THSD4: variants seen among roughly 807,000 people sequenced by gnomAD.
THSD4 encodes thrombospondin type 1 domain containing 4.
Under a neutral mutation model 119.0 loss-of-function variants are expected in THSD4, and 69 were observed. The ratio of observed to expected loss-of-function variants is 0.58; its 90% CI spans 0.48 to 0.71. The LOEUF is 0.71. THSD4 is among the 30% of genes least tolerant of loss of function. The pLI is 0.00. For synonymous variants in THSD4, 524 were observed against 540.4 expected, an observed-to-expected ratio of 0.97 and a Z score of 0.42; for missense variants, 1,393 against 1,391.1, an observed-to-expected ratio of 1.00 and a Z score of -0.02.
intron 3 of THSD4, among the ~76,000 whole-genome samples, chr15:71,159,874 G>A (rs532411991): frequency 6.6e-6 from 1 of 152,162 alleles, no homozygotes; most frequent in East Asian, 1.9e-4. Flanking sequence ...TAGAGGAAAA[G>A]GTGAAAGCTT....
At chr15:71,457,313 G>C (rs2047353587) in intron 7 of THSD4, among the ~76,000 whole-genome samples, 1 of 140,578 alleles carries the variant, frequency 7.1e-6, no homozygotes, top group Non-Finnish European at 1.5e-5. Flanking sequence ...CCAGGAAGCA[G>C]AGGTTGCAGT....
At chr15:71,293,995 A>G (rs2044828205) in intron 6 of THSD4, among the ~76,000 whole-genome samples, 1 of 150,970 alleles carries the variant, frequency 6.6e-6, no homozygotes. Context: ...TGTGTTTGCT[A>G]GTATTGTTTT....
chr15:71,204,327 G>T (rs1177707439), intron 3 of THSD4, among the ~76,000 whole-genome samples: 1 of 152,162 alleles, frequency 6.6e-6, no homozygotes, highest in Admixed American at 6.5e-5. Context: ...TTTTGGCTGG[G>T]CCCTGCTTTT....
chr15:71,391,032 T>TC (rs2046370480), intron 6 of THSD4, among the ~76,000 whole-genome samples: 2 of 149,268 alleles, frequency 1.3e-5, no homozygotes, highest in African/African-American at 2.5e-5. Context: ...GCTAATTTTT[T>TC]TTTTTTTTTT....
At chr15:71,537,826 C>T (rs774751551) in intron 7 of THSD4, among the ~76,000 whole-genome samples, 58 of 152,024 alleles carry the variant, frequency 3.8e-4, no homozygotes, top group Admixed American at 1.4e-3. Flanking sequence ...ATCACAATCA[C>T]GTGTTCTCGA....
intron 7 of THSD4, among the ~76,000 whole-genome samples, chr15:71,633,699 A>T (rs2050682663): frequency 6.6e-6 from 1 of 152,238 alleles, no homozygotes; most frequent in Non-Finnish European, 1.5e-5. Flanking sequence ...GGTTATGATT[A>T]TCAAAAATTG....
intron 6 of THSD4, among the ~76,000 whole-genome samples, chr15:71,363,379 T>C (rs1011788846): frequency 1.3e-5 from 2 of 152,222 alleles, no homozygotes; most frequent in African/African-American, 2.4e-5. Context: ...TTTTGCTTTC[T>C]CACCTTCTCA....
intron 7 of THSD4, among the ~76,000 whole-genome samples, chr15:71,423,984 A>G (rs918710042): frequency 1.3e-5 from 2 of 152,172 alleles, no homozygotes; most frequent in East Asian, 3.9e-4. Flanking sequence ...ACAAAGTCCC[A>G]CATCACTGTG....
At chr15:71,278,080 G>A (rs777573964) in intron 6 of THSD4, among the ~76,000 whole-genome samples, 1 of 152,208 alleles carries the variant, frequency 6.6e-6, no homozygotes, top group Non-Finnish European at 1.5e-5. Flanking sequence ...GTGTAACTTT[G>A]TTGACAAATG....
rs144746661 is a variant in THSD4 at position 71,202,633 on chromosome 15, C to G, written c.100-12402C>G. Among the ~76,000 whole-genome samples, 6 of 152,186 alleles carry G rather than the reference C, an allele frequency of 3.9e-5. No homozygotes were observed. In the East Asian group the frequency reaches 1.2e-3, roughly 29 times the overall value. On this transcript the variant is annotated intron_variant, in intron 3 of 17. Coordinates refer to ENST00000261862, the MANE Select transcript of THSD4 (RefSeq NM_024817.3). ...TAAAACAATGTTTTAAATTACTTAT[C>G]ATAAGAAAAAAAATTCAGCCGTTTT...
Position 71,748,453 on chromosome 15 carries a change from C to A in THSD4, c.2274C>A (p.Thr758=), listed in dbSNP as rs1190490503. 3 of 1,614,148 alleles carry A rather than the reference C, an allele frequency of 1.9e-6. No individual in the cohort carries two copies. The South Asian group carries it at 3.3e-5, about 18-fold the overall frequency. Residue 758 remains threonine (T), a synonymous_variant, in exon 14 of 18, where the codon ACC becomes ACA. Coordinates refer to ENST00000261862, the MANE Select transcript of THSD4 (RefSeq NM_024817.3). ...CSVPCGVGQR[T]RDVKCVSNIG... ...TGCCCTGCGGCGTGGGACAGAGGAC[C>A]CGTGATGTGAAGTGTGTGAGCAACA...
chr15:71,231,605 CT>C (rs1415235555), intron 4 of THSD4, among the ~76,000 whole-genome samples: 1 of 152,082 alleles, frequency 6.6e-6, no homozygotes, highest in Admixed American at 6.6e-5. Flanking sequence ...CTGTGGGGTC[CT>C]TCTTTCCTAA....
At chr15:71,747,589 G>C (rs550632371) in intron 13 of THSD4, among the ~76,000 whole-genome samples, 2 of 152,284 alleles carry the variant, frequency 1.3e-5, no homozygotes, top group East Asian at 3.9e-4. Context: ...CCCTTGAATC[G>C]GAGTTGTCTT....
rs552409054 is a variant in THSD4, at chr15:71,279,883, G to A, written c.1015+23168G>A. Among the ~76,000 whole-genome samples the A allele has an allele frequency of 8.6e-4, 131 of 152,266 alleles. 2 individuals carry two copies. In the South Asian group the frequency reaches 0.022, roughly 26 times the overall value. ...CAGTGGCCTTGGGGTAGCAGGAAGA[G>A]CAATGGGCAAAGGACACAACCTCAG... is the stretch of plus-strand genomic sequence containing the variant. On this transcript the variant is annotated intron_variant, in intron 6 of 17. Transcript: ENST00000261862.
At chr15:71,217,562 G>A (rs565276696) in intron 4 of THSD4, among the ~76,000 whole-genome samples, 3 of 151,328 alleles carry the variant, frequency 2.0e-5, no homozygotes, top group African/African-American at 7.3e-5. Flanking sequence ...GGCAGAGCTT[G>A]CAGTGAGCCG....
intron 3 of THSD4, among the ~76,000 whole-genome samples, chr15:71,170,280 T>C (rs1168959136): frequency 6.6e-6 from 1 of 152,166 alleles, no homozygotes; most frequent in East Asian, 1.9e-4. Flanking sequence ...TCCATAAGGA[T>C]GCAGCATACT....
chr15:71,738,296 A>C (rs2053165809), intron 11 of THSD4: 5 of 313,672 alleles, frequency 1.6e-5, no homozygotes, highest in Non-Finnish European at 3.0e-5. Flanking sequence ...GCCACCACTG[A>C]TCTCGCCCAC....
At chr15:71,485,778 G>T (rs2140680725) in intron 7 of THSD4, among the ~76,000 whole-genome samples, 1 of 152,114 alleles carries the variant, frequency 6.6e-6, no homozygotes, top group East Asian at 1.9e-4. Context: ...ATATTTTAGT[G>T]TTATTCCTAT....
intron 6 of THSD4, among the ~76,000 whole-genome samples, chr15:71,375,549 G>A (rs539228290): frequency 1.3e-5 from 2 of 152,090 alleles, no homozygotes; most frequent in Non-Finnish European, 2.9e-5. Flanking sequence ...GTTACTCCTG[G>A]CACAATACAT....
Sources: gnomAD v4.1 joint callset for allele counts (sites outside exome capture counted in the v4.1 genomes callset) on GRCh38, gnomAD v4.1.1 for gene constraint, MANE v1.5 for transcripts, NCBI Gene and HGNC (gene_info 2026-07-23, HGNC 2026-07-21) for gene names.